The following ST8SIA1 variants were observed in gnomAD, a reference collection of about 807,000 sequenced individuals.
ST8SIA1 encodes ST8 alpha-N-acetyl-neuraminide alpha-2,8-sialyltransferase 1, also known as alpha-N-acetylneuraminide alpha-2,8-sialyltransferase.
A neutral mutation model predicts 35.9 loss-of-function variants in ST8SIA1; 16 were observed. The observed-to-expected ratio is 0.45, with a 90% CI of 0.30 to 0.68. The LOEUF (loss-of-function observed/expected upper bound fraction) is 0.68, where lower values mean the gene tolerates loss of function less well. ST8SIA1 is among the 30% of genes least tolerant of loss of function. The pLI, the probability that ST8SIA1 is intolerant of heterozygous loss-of-function variation, is 0.09. For missense variants in ST8SIA1, 383 were observed against 453.6 expected, an observed-to-expected ratio of 0.84 and a Z score of 1.41; for synonymous variants, 170 against 169.6, an observed-to-expected ratio of 1.00 and a Z score of -0.02.
chr12:22,260,813 T>C (rs1454672239), intron 2 of ST8SIA1, among the ~76,000 whole-genome samples: 1 of 151,952 alleles, frequency 6.6e-6, no homozygotes, highest in Non-Finnish European at 1.5e-5. Flanking sequence ...GCTAGACCAC[T>C]GTAGTATTTA....
intron 4 of ST8SIA1, among the ~76,000 whole-genome samples, chr12:22,229,112 T>G (rs931986594): frequency 2.0e-5 from 3 of 151,004 alleles, no homozygotes; most frequent in Non-Finnish European, 4.4e-5. Context: ...CTCTGGATTT[T>G]AAAGACAAAT....
At chr12:22,293,293 T>C (rs1014563435) in intron 1 of ST8SIA1, among the ~76,000 whole-genome samples, 1 of 152,250 alleles carries the variant, frequency 6.6e-6, no homozygotes, top group African/African-American at 2.4e-5. Flanking sequence ...TTATTTTTCC[T>C]TCACTATATT....
At chr12:22,263,163 A>G (rs948898542) in intron 2 of ST8SIA1, among the ~76,000 whole-genome samples, 2 of 152,224 alleles carry the variant, frequency 1.3e-5, no homozygotes, top group Non-Finnish European at 2.9e-5. Flanking sequence ...CCAATTAAAT[A>G]TGTTTAATTT....
At chr12:22,318,708 A>C (rs1000621252) in intron 1 of ST8SIA1, among the ~76,000 whole-genome samples, 1 of 152,212 alleles carries the variant, frequency 6.6e-6, no homozygotes, top group Non-Finnish European at 1.5e-5. Context: ...CTTTGATTTT[A>C]ACAATATCAA....
At chr12:22,240,537 A>G (rs892744332) in intron 4 of ST8SIA1, among the ~76,000 whole-genome samples, 9 of 152,186 alleles carry the variant, frequency 5.9e-5, no homozygotes, top group Non-Finnish European at 1.2e-4. Context: ...GAGGAAAAAA[A>G]AAAAGAAGTC....
At chr12:22,320,931 AAGAAAGAAAG>A (rs2135840309) in intron 1 of ST8SIA1, among the ~76,000 whole-genome samples, 1 of 26,122 alleles carries the variant, frequency 3.8e-5, no homozygotes. Flanking sequence ...GAAAGGAAGA[AAGAAAGAAAG>A]AAAGAAAGAA....
At chr12:22,311,853 A>C (rs1476870245) in intron 1 of ST8SIA1, among the ~76,000 whole-genome samples, 2 of 152,182 alleles carry the variant, frequency 1.3e-5, no homozygotes, top group African/African-American at 4.8e-5. Flanking sequence ...TAAAGTAGGC[A>C]AGACCTCCAT....
At chr12:22,245,263 A>G (rs147343082) in intron 4 of ST8SIA1, among the ~76,000 whole-genome samples, 1 of 152,236 alleles carries the variant, frequency 6.6e-6, no homozygotes, top group Admixed American at 6.5e-5. Context: ...AATCATGCAC[A>G]TGGTATTATA....
chr12:22,325,969 T>C lies in ST8SIA1; in HGVS notation c.236+8028A>G. 3.0e-6 allele frequency: 2 copies of C among 661,196 alleles called. 1 individual carries two copies. Among genetic ancestry groups the C allele is most frequent in the Admixed American group, 4.8e-5 (2 of 41,750 alleles). 41.0% of individuals were successfully genotyped at this position (661,196 alleles called of 1,614,324 possible). A position where few individuals can be genotyped will look rare whatever the true frequency, so the allele number is the denominator to read the frequency against. On this transcript the variant is annotated intron_variant, in intron 1 of 4. Coordinates refer to ENST00000396037, the MANE Select transcript of ST8SIA1 (RefSeq NM_003034.4). ...GAAGATTCGCATCCCAGGCAAGACATAGTGGGACAAAGTGAAATCTCATCA... is the reference window on the plus strand; with the variant it reads ...GAAGATTCGCATCCCAGGCAAGACACAGTGGGACAAAGTGAAATCTCATCA...
intron 4 of ST8SIA1, among the ~76,000 whole-genome samples, chr12:22,223,055 C>T (rs1298744752): frequency 6.6e-6 from 1 of 152,056 alleles, no homozygotes. Flanking sequence ...CTCAATACTT[C>T]CTTCATTTAT....
At chr12:22,295,006 C>T (rs1455484121) in intron 1 of ST8SIA1, among the ~76,000 whole-genome samples, 1 of 152,162 alleles carries the variant, frequency 6.6e-6, no homozygotes, top group Non-Finnish European at 1.5e-5. Context: ...AATCAACAAA[C>T]ATTTGCTGAG....
chr12:22,202,805 A>G (rs938182550), intron 4 of ST8SIA1, among the ~76,000 whole-genome samples: 1 of 152,222 alleles, frequency 6.6e-6, no homozygotes, highest in Non-Finnish European at 1.5e-5. Flanking sequence ...AGTGGGAATA[A>G]CATTTAAATA....
chr12:22,235,021 T>C (rs1010732023), intron 4 of ST8SIA1, among the ~76,000 whole-genome samples: 1 of 152,200 alleles, frequency 6.6e-6, no homozygotes, highest in African/African-American at 2.4e-5. Context: ...TTTGTCTCAT[T>C]AGTGTGTGTA....
At chr12:22,298,171 C>T (rs954746585) in intron 1 of ST8SIA1, among the ~76,000 whole-genome samples, 1 of 152,184 alleles carries the variant, frequency 6.6e-6, no homozygotes, top group Non-Finnish European at 1.5e-5. Context: ...ATCTCTTCAT[C>T]TGCATCCTTC....
intron 2 of ST8SIA1, among the ~76,000 whole-genome samples, chr12:22,283,537 C>T (rs1439749594): frequency 1.3e-5 from 2 of 152,256 alleles, no homozygotes; most frequent in African/African-American, 2.4e-5. Context: ...ACCATCACAC[C>T]GTCCTCCCCA....
At chr12:22,212,313 T>A (rs1865184655) in intron 4 of ST8SIA1, among the ~76,000 whole-genome samples, 1 of 152,234 alleles carries the variant, frequency 6.6e-6, no homozygotes, top group East Asian at 1.9e-4. Flanking sequence ...CATTTCCTCA[T>A]ATTATTTACT....
At chr12:22,307,764 C>G (rs893177731) in intron 1 of ST8SIA1, among the ~76,000 whole-genome samples, 3 of 152,162 alleles carry the variant, frequency 2.0e-5, no homozygotes, top group African/African-American at 7.2e-5. Flanking sequence ...CTTCCACTAT[C>G]TTCATTCTTA....
chr12:22,322,190 T>C (rs886302007), intron 1 of ST8SIA1, among the ~76,000 whole-genome samples: 1 of 152,106 alleles, frequency 6.6e-6, no homozygotes, highest in Non-Finnish European at 1.5e-5. Context: ...CACAGCTAAG[T>C]TCTGAAAGCT....
At chr12:22,309,207 A>T (rs993839386) in intron 1 of ST8SIA1, among the ~76,000 whole-genome samples, 8 of 152,120 alleles carry the variant, frequency 5.3e-5, no homozygotes, top group Non-Finnish European at 1.2e-4. Context: ...AGTTGGACAC[A>T]CCTTGCTAGA....
Sources: gnomAD v4.1 joint callset for allele counts (sites outside exome capture counted in the v4.1 genomes callset) on GRCh38, gnomAD v4.1.1 for gene constraint, MANE v1.5 for transcripts, NCBI Gene and HGNC (gene_info 2026-07-23, HGNC 2026-07-21) for gene names.